ORC1: variants seen among roughly 807,000 people sequenced by gnomAD.
ORC1 encodes the protein origin recognition complex, subunit 1 homolog.
ORC1 carries 61 observed loss-of-function variants against 98.9 expected under a neutral mutation model. The ratio of observed to expected loss-of-function variants is 0.62; its 90% CI spans 0.50 to 0.76. The LOEUF is 0.76. ORC1 is among the 30% of genes least tolerant of loss of function. ORC1 has a pLI of 0.00. For missense variants in ORC1, 979 were observed against 1,072.2 expected (o/e 0.91, Z 1.21); for synonymous variants, 385 against 406.9 (o/e 0.95, Z 0.65).
chr1:52,384,498 A>C, intron 11 of ORC1, 52 bp downstream of exon 11: 1 of 1,506,576 alleles, frequency 6.6e-7, no homozygotes. Flanking sequence ...TTCCTTTTTC[A>C]TGTGTCACGA....
chr1:52,385,084 TGAACTGTAACAC>T, intron 10 of ORC1, 65 bp downstream of exon 10: 1 of 931,108 alleles, frequency 1.1e-6, no homozygotes, highest in Non-Finnish European at 1.8e-6. Flanking sequence ...CCTGTATGGC[TGAACTGTAACAC>T]CCAAGGCATT....
chr1:52,398,054 C>T (rs1171072258), intron 3 of ORC1, among the ~76,000 whole-genome samples, 191 bp from the exon 4 acceptor site: 3 of 151,884 alleles, frequency 2.0e-5, no homozygotes, highest in African/African-American at 4.8e-5. Flanking sequence ...ACCTCTGCCT[C>T]CTGGGTTAAA....
chr1:52,404,579 G>T (rs1647909047), upstream of ORC1: 1 of 600,836 alleles, frequency 1.7e-6, no homozygotes, highest in Non-Finnish European at 2.8e-6. Context: ...TTCGATAGGC[G>T]ACGCGGGGAG....
chr1:52,388,416 G>A (rs1217362616), intron 8 of ORC1, 26 bp downstream of exon 8: 1 of 1,583,588 alleles, frequency 6.3e-7, no homozygotes, highest in East Asian at 2.2e-5. Context: ...ATGCTTCAAT[G>A]GGAAGTAAAC....
intron 14 of ORC1, among the ~76,000 whole-genome samples, chr1:52,380,068 C>T (rs1278298778): frequency 6.6e-6 from 1 of 152,164 alleles, no homozygotes; most frequent in Non-Finnish European, 1.5e-5. Context: ...ATATGCATGC[C>T]AAACTGGAAG....
intron 3 of ORC1, 104 bp downstream of exon 3, chr1:52,401,241 ACGTGATCCCACCTCAGT>A (rs1205122362): frequency 5.5e-6 from 7 of 1,261,972 alleles, no homozygotes; most frequent in Non-Finnish European, 8.1e-6. Flanking sequence ...GCTAGTTCTT[ACGTGATCCCACCTCAGT>A]CTAATGTGCC....
At chr1:52,387,641 A>G (rs1378464113) in intron 8 of ORC1, among the ~76,000 whole-genome samples, 1 of 152,126 alleles carries the variant, frequency 6.6e-6, no homozygotes, top group South Asian at 2.1e-4. Flanking sequence ...TATTTTAAGC[A>G]GAGACAGGGT....
At chr1:52,393,889 G>GTT in intron 5 of ORC1, 86 bp from the exon 6 acceptor site, 4 of 1,392,456 alleles carry the variant, frequency 2.9e-6, no homozygotes, top group Non-Finnish European at 4.0e-6. Flanking sequence ...CAGCCACTGA[G>GTT]TTATATGTAA....
intron 13 of ORC1, 41 bp from the exon 14 acceptor site, chr1:52,381,802 C>A (rs1475091598): frequency 4.4e-6 from 7 of 1,607,880 alleles, no homozygotes; most frequent in Non-Finnish European, 5.1e-6. Flanking sequence ...TGGTTGACTG[C>A]CCAGTGATTA....
intron 14 of ORC1, 110 bp from the exon 15 acceptor site, chr1:52,375,709 G>T: frequency 3.1e-6 from 3 of 974,552 alleles, no homozygotes. Flanking sequence ...CTTAGCCCTG[G>T]CAGGGAACCT....
chr1:52,384,130 T>C (rs1647110063), intron 11 of ORC1, among the ~76,000 whole-genome samples, 193 bp from the exon 12 acceptor site: 1 of 152,220 alleles, frequency 6.6e-6, no homozygotes, highest in East Asian at 1.9e-4. Context: ...AGAAGGTATA[T>C]GAGTTTGAAA....
Position 52,383,928 on chromosome 1 carries a change from C to T in ORC1, c.1765G>A (p.Gly589Ser). 1 of 1,614,020 alleles carries T rather than the reference C, an allele frequency of 6.2e-7. No homozygotes were observed. The highest frequency in any genetic ancestry group is 1.3e-5 in the African/African-American group (1 of 75,040). Residue 589 changes from glycine (G) to serine (S), a missense_variant, in exon 12 of 17, where the codon GGC becomes AGC. By Grantham distance (56) the Gly-to-Ser change is moderately conservative. Transcript: ENST00000371568. Reference sequence around the variant, plus strand: ...GCATGGTTGGCTGTTGCTTTTTGGCCTGTTAGCTTCTGCATTAGGAGAAAC... The same window carrying T: ...GCATGGTTGGCTGTTGCTTTTTGGCTTGTTAGCTTCTGCATTAGGAGAAAC... ...VYVQILQKLTGQKATANHAAE... is the reference protein window; with the variant it reads ...VYVQILQKLTSQKATANHAAE...
At chr1:52,393,346 T>C in intron 6 of ORC1, 97 bp downstream of exon 6, 1 of 1,538,516 alleles carries the variant, frequency 6.5e-7, no homozygotes, top group Middle Eastern at 2.2e-4. Flanking sequence ...GTGACATAGG[T>C]TTTTCAACTA....
chr1:52,397,971 T>C (rs886117724), intron 3 of ORC1, 108 bp from the exon 4 acceptor site: 2 of 1,059,410 alleles, frequency 1.9e-6, no homozygotes, highest in East Asian at 4.9e-5. Context: ...TGTGTGGTTT[T>C]GTTTTTTGTT....
intron 16 of ORC1, among the ~76,000 whole-genome samples, chr1:52,374,044 C>T (rs563803647): frequency 6.6e-6 from 1 of 152,274 alleles, no homozygotes; most frequent in South Asian, 2.1e-4. Flanking sequence ...TTGTCAGGAA[C>T]AGGGATGTTA....
upstream of ORC1, chr1:52,408,698 T>C (rs1415737267): frequency 1.9e-6 from 3 of 1,613,498 alleles, no homozygotes; most frequent in Non-Finnish European, 2.5e-6. Flanking sequence ...GGGGTAAGTA[T>C]GGTGCTAAGT....
At chr1:52,398,275 T>A (rs1647520471) in intron 3 of ORC1, among the ~76,000 whole-genome samples, 1 of 146,740 alleles carries the variant, frequency 6.8e-6, no homozygotes, top group South Asian at 2.2e-4. Flanking sequence ...AAATTTTTTT[T>A]TTTTTTGTGA....
chr1:52,388,473 A>G lies in ORC1; in HGVS notation c.1352T>C (p.Leu451Ser). Reference protein sequence around the residue: ...RNLRSSLKSSLHTLTKVPKKS... With the variant: ...RNLRSSLKSSSHTLTKVPKKS... ...CTTTGGCACCTTCGTGAGGGTATGT[A>G]AGGATGACTTCAAGGAAGATCGCAG... is the stretch of plus-strand genomic sequence containing the variant. Residue 451 changes from leucine (L) to serine (S), a missense_variant, in exon 8 of 17, where the codon TTA becomes TCA. Physicochemically the swap from Leu to Ser is moderately radical, Grantham distance 145 (BLOSUM62 -2). Coordinates refer to ENST00000371568, the MANE Select transcript of ORC1 (RefSeq NM_004153.4). 1 of 1,614,122 alleles carries G rather than the reference A, an allele frequency of 6.2e-7. No individual in the cohort carries two copies. Among genetic ancestry groups the G allele is most frequent in the Non-Finnish European group, 8.5e-7 (1 of 1,179,996 alleles).
intron 3 of ORC1, among the ~76,000 whole-genome samples, chr1:52,398,074 C>T (rs1430533001): frequency 6.6e-6 from 1 of 151,980 alleles, no homozygotes; most frequent in African/African-American, 2.4e-5. Context: ...AGTGATTCTG[C>T]TGCCTCAGCC....
Sources: allele counts gnomAD v4.1 joint callset (sites outside exome capture counted in the v4.1 genomes callset), GRCh38; gene constraint gnomAD v4.1.1; transcripts MANE v1.5; gene names NCBI Gene and HGNC (gene_info 2026-07-23, HGNC 2026-07-21).